Variants in ZSCAN18 observed in about 807,000 individuals in gnomAD.
ZSCAN18 encodes zinc finger and SCAN domain containing 18.
Under a neutral mutation model 31.1 loss-of-function variants are expected in ZSCAN18, and 16 were observed. The ratio of observed to expected loss-of-function variants is 0.51; its 90% CI spans 0.35 to 0.78. The LOEUF is 0.78. Among genes scored for constraint, ZSCAN18 ranks in the 30% least tolerant of loss-of-function variants. The pLI is 0.01. For missense variants in ZSCAN18, 731 were observed against 697.4 expected, an observed-to-expected ratio of 1.05 and a Z score of -0.54; for synonymous variants, 375 against 320.7, an observed-to-expected ratio of 1.17 and a Z score of -1.81.
At chr19:58,092,330 T>G (rs2074429587) in intron 1 of ZSCAN18, 1 of 152,168 alleles carries the variant, frequency 6.6e-6, no homozygotes, top group South Asian at 2.1e-4. Context: ...ATCCCGGCAC[T>G]TTGGGAGGCC....
intron 1 of ZSCAN18, among the ~76,000 whole-genome samples, chr19:58,112,627 G>A (rs1022803837): frequency 1.7e-4 from 23 of 137,376 alleles, no homozygotes; most frequent in Non-Finnish European, 3.1e-5. Flanking sequence ...CTCCAGCCTG[G>A]GCGACAGAGC....
At chr19:58,118,296 G>A in exon 1 of ZSCAN18, 1 of 1,508,162 alleles carries the variant, frequency 6.6e-7, no homozygotes, top group East Asian at 2.7e-5. Flanking sequence ...CGCGACCGGT[G>A]GGCGGGAACG....
At position 58,084,886 on chromosome 19, in the gene ZSCAN18, C is replaced by T. The variant is rs1480137552; in HGVS notation, c.1332G>A (p.Gln444=). 2 of 1,596,906 alleles carry T rather than the reference C, an allele frequency of 1.3e-6. No individual in the cohort carries two copies. The highest frequency in any genetic ancestry group is 1.7e-6 in the Non-Finnish European group (2 of 1,173,564). Residue 444 remains glutamine, a synonymous_variant, in exon 7 of 7, where the codon CAG becomes CAA. Coordinates refer to ENST00000601144, the MANE Select transcript of ZSCAN18 (RefSeq NM_001145543.2). This position sits in a 1 kb window ranked among gnomAD's most constrained non-coding sequence, Gnocchi z 4.5. ...TGAAGTGGAAGGTCTTCCAGCAGCC[C>T]TGACAGGCGTAGCGCTTCCGGCCGC... ...SHGGRKRYAC[Q]GCWKTFHFSL...
chr19:58,098,434 A>C (rs1053903082), upstream of ZSCAN18: 1 of 952,522 alleles, frequency 1.0e-6, no homozygotes, highest in Non-Finnish European at 1.2e-6. Flanking sequence ...AACGAAGTAA[A>C]CAAGCGGGTA....
At chr19:58,115,795 TAC>T (rs749260187) in intron 1 of ZSCAN18, among the ~76,000 whole-genome samples, 30 of 152,318 alleles carry the variant, frequency 2.0e-4, no homozygotes, top group Non-Finnish European at 2.8e-4. Flanking sequence ...AAACTTTTGT[TAC>T]AGTTAGTATG....
At chr19:58,106,421 G>GTTTTTTTTGTTTTTTTTTTGAAAT (rs368006741) in intron 1 of ZSCAN18, among the ~76,000 whole-genome samples, 10 of 60,228 alleles carry the variant, frequency 1.7e-4, no homozygotes, top group South Asian at 4.9e-4. Flanking sequence ...AAAGACATCT[G>GTTTTTTTTGTTTTTTTTTTGAAAT]GCTGGGCGCG....
chr19:58,092,819 G>C (rs1599974855), intron 1 of ZSCAN18: 1 of 644,256 alleles, frequency 1.6e-6, no homozygotes, highest in Non-Finnish European at 1.9e-6. Context: ...TGTCACCCAG[G>C]CTGGAGTGCA....
chr19:58,097,379 G>A (rs73577087), intron 1 of ZSCAN18, among the ~76,000 whole-genome samples: 2,874 of 151,924 alleles, frequency 0.019, 97 homozygotes, highest in African/African-American at 0.065. Context: ...ATGGGAGGGT[G>A]AGTCAGGCCC....
rs946048438 is a variant in ZSCAN18 at position 58,118,378 on chromosome 19, G to T, written c.19C>A (p.Arg7=). 7 of 1,530,218 alleles carry T rather than the reference G, an allele frequency of 4.6e-6. No individual in the cohort carries two copies. In the African/African-American group the frequency reaches 7.1e-5, roughly 15 times the overall value. The allele number at this position is 1,530,218 out of a possible 1,614,324, so 94.8% of individuals were successfully genotyped here. The change falls in exon 1 of 2, where the codon CGA becomes AGA. Residue 7 remains arginine (R), a synonymous_variant. Transcript: ENST00000595721. ...GCCGCCGTAGCGTCCTCGTCAGCTCGCCCTCCGACTCTCCGCATGGGCGCG... is the reference window on the plus strand; with the variant it reads ...GCCGCCGTAGCGTCCTCGTCAGCTCTCCCTCCGACTCTCCGCATGGGCGCG...
At chr19:58,087,688 C>T in intron 3 of ZSCAN18, 1 of 336,648 alleles carries the variant, frequency 3.0e-6, no homozygotes, top group Non-Finnish European at 5.6e-6. Flanking sequence ...TGCTCTGTCA[C>T]CTAGGCTGGA....
intron 1 of ZSCAN18, among the ~76,000 whole-genome samples, chr19:58,115,846 T>A (rs2074725033): frequency 6.6e-6 from 1 of 152,130 alleles, no homozygotes; most frequent in African/African-American, 2.4e-5. Flanking sequence ...TCAATGCTTG[T>A]GTGAAAATTT....
intron 1 of ZSCAN18, among the ~76,000 whole-genome samples, chr19:58,116,799 G>T (rs2074733680): frequency 6.6e-6 from 1 of 152,236 alleles, no homozygotes; most frequent in Non-Finnish European, 1.5e-5. Context: ...GGCTTCCACT[G>T]AATCGTGAGG....
chr19:58,107,730 A>C (rs1475752571), intron 1 of ZSCAN18: 1 of 989,836 alleles, frequency 1.0e-6, no homozygotes. Context: ...CAGATCAGTC[A>C]CTGCCACAGA....
At chr19:58,092,869 G>T in intron 1 of ZSCAN18, 1 of 234,496 alleles carries the variant, frequency 4.3e-6, no homozygotes, top group Non-Finnish European at 7.0e-6. Context: ...AACCTCCTGA[G>T]CTCAAGTGAT....
At chr19:58,089,062 G>A (rs1248836264) in intron 2 of ZSCAN18, among the ~76,000 whole-genome samples, 1 of 152,076 alleles carries the variant, frequency 6.6e-6, no homozygotes, top group Non-Finnish European at 1.5e-5. Context: ...CCAGCACTTT[G>A]GGAGGCCGAG....
upstream of ZSCAN18, among the ~76,000 whole-genome samples, chr19:58,098,701 C>G (rs2074566555): frequency 1.3e-5 from 2 of 152,018 alleles, no homozygotes; most frequent in Admixed American, 1.3e-4. Flanking sequence ...AGCATGGGCT[C>G]AAGAAAAGAA....
At chr19:58,113,805 C>A (rs1271611497) in intron 1 of ZSCAN18, among the ~76,000 whole-genome samples, 1 of 152,042 alleles carries the variant, frequency 6.6e-6, no homozygotes, top group Non-Finnish European at 1.5e-5. Context: ...ATGGTGAAAC[C>A]CCATCTCTAC....
At chr19:58,093,901 G>A (rs1309014553) in intron 1 of ZSCAN18, among the ~76,000 whole-genome samples, 1 of 151,970 alleles carries the variant, frequency 6.6e-6, no homozygotes, top group Non-Finnish European at 1.5e-5. Context: ...GAGTCACTGG[G>A]GTTAGAGGCA....
In ZSCAN18 at chr19:58,084,942, A is replaced by T. The variant is rs749755789; in HGVS notation, c.1276T>A (p.Ser426Thr). The change falls in exon 7 of 7, where the codon TCG becomes ACG. Residue 426 changes from serine (S) to threonine (T), a missense_variant. By Grantham distance (58) the Ser-to-Thr change is moderately conservative. Transcript: ENST00000601144. The surrounding 1 kb of genome is among the most constrained non-coding windows in gnomAD (Gnocchi z 4.5). ...CTGCTGTGGTGCTCCATCAGGTGCG[A>T]GAGCCACGCGAAGGCCTCCCCGCAC... ...GECGEAFAWLSHLMEHHSSHG... is the reference protein window; with the variant it reads ...GECGEAFAWLTHLMEHHSSHG... 6.3e-7 allele frequency: 1 copy of T among 1,598,026 alleles called. No homozygotes were observed. The highest frequency in any genetic ancestry group is 1.1e-5 in the South Asian group (1 of 89,028).
Sources: gnomAD v4.1 joint callset for allele counts (sites outside exome capture counted in the v4.1 genomes callset) on GRCh38, gnomAD v4.1.1 for gene constraint, Gnocchi (gnomAD v3.1) non-coding constraint, MANE v1.5 for transcripts, NCBI Gene and HGNC (gene_info 2026-07-23, HGNC 2026-07-21) for gene names.